The following FARSB variants were observed in gnomAD, a reference collection of about 807,000 sequenced individuals.
FARSB encodes the protein phenylalanine--tRNA ligase beta subunit.
A neutral mutation model predicts 69.6 loss-of-function variants in FARSB; 40 were observed. The observed-to-expected ratio is 0.57, with a 90% CI of 0.45 to 0.75. The LOEUF (loss-of-function observed/expected upper bound fraction) is 0.75, where lower values mean the gene tolerates loss of function less well. Among genes scored for constraint, FARSB ranks in the 30% least tolerant of loss-of-function variants. The probability of loss-of-function intolerance (pLI) is 0.00; values close to 1 mark genes in which losing one functional copy is unlikely to be tolerated. For synonymous variants in FARSB, 235 were observed against 247.2 expected (o/e 0.95, Z 0.46); for missense variants, 632 against 722.9 (o/e 0.87, Z 1.44).
chr2:222,652,273 A>AG (rs1692057549), intron 1 of FARSB, among the ~76,000 whole-genome samples: 1 of 152,066 alleles, frequency 6.6e-6, no homozygotes, highest in Non-Finnish European at 1.5e-5. Context: ...GGGCCTTGGG[A>AG]GGGGGTGAGT....
At chr2:222,588,129 G>A (rs754095393) in intron 16 of FARSB, among the ~76,000 whole-genome samples, 1 of 152,086 alleles carries the variant, frequency 6.6e-6, no homozygotes, top group Admixed American at 6.5e-5. Context: ...CTGGCAAAAC[G>A]AATCCAGCAG....
intron 9 of FARSB, among the ~76,000 whole-genome samples, 194 bp from the exon 10 acceptor site, chr2:222,629,082 C>T (rs113809238): frequency 2.6e-5 from 4 of 152,072 alleles, no homozygotes; most frequent in Admixed American, 1.3e-4. Context: ...CCTAGGGCTC[C>T]GATGTCCTTT....
intron 16 of FARSB, among the ~76,000 whole-genome samples, chr2:222,589,551 G>GA (rs1690209229): frequency 6.8e-6 from 1 of 147,676 alleles, no homozygotes; most frequent in Non-Finnish European, 1.5e-5. Flanking sequence ...CACAGCAAAA[G>GA]AAACTACCAT....
intron 12 of FARSB, 144 bp from the exon 13 acceptor site, chr2:222,623,874 G>A: frequency 1.6e-6 from 1 of 633,210 alleles, no homozygotes; most frequent in South Asian, 2.0e-5. Context: ...CTAACGTACT[G>A]CTAATGCCAC....
intron 16 of FARSB, among the ~76,000 whole-genome samples, chr2:222,590,335 A>G (rs1003704149): frequency 6.6e-6 from 1 of 152,040 alleles, no homozygotes; most frequent in African/African-American, 2.4e-5. Flanking sequence ...TGGACACAGG[A>G]AGTGGAACAT....
chr2:222,634,119 A>G (rs7583891), intron 6 of FARSB, among the ~76,000 whole-genome samples: 44,230 of 152,112 alleles, frequency 0.29, 7,370 homozygotes, highest in Non-Finnish European at 0.38. Context: ...ATGAGTTTCA[A>G]TTGAAGATTA....
Position 222,624,377 on chromosome 2 carries a change from T to C in FARSB, c.1065A>G (p.Arg355=). 2 of 1,608,330 alleles carry C rather than the reference T, an allele frequency of 1.2e-6. No individual in the cohort carries two copies. The highest frequency in any genetic ancestry group is 1.7e-6 in the Non-Finnish European group (2 of 1,174,742). ...TATCACATGCATGGATAATGTCAGC[T>C]CTGGTTGGAGGGATTTCAATCTCAA... The part of the protein sequence containing the change: ...NQIEIEIPPT[R]ADIIHACDIV... The change falls in exon 12 of 17, where the codon AGA becomes AGG. Residue 355 remains arginine (R), a synonymous_variant. Transcript: ENST00000281828.
chr2:222,627,557 A>G lies in FARSB; in HGVS notation c.900+1280T>C, dbSNP rs1285522222. 1.3e-5 allele frequency among the ~76,000 whole-genome samples: 2 copies of G among 152,236 alleles called. 1 individual carries two copies. The highest frequency in any genetic ancestry group is 2.9e-5 in the Non-Finnish European group (2 of 68,032). On this transcript the variant is annotated intron_variant, in intron 10 of 16. Transcript: ENST00000281828. ...CTATTGACCAAAAGAATCATGAGAT[A>G]AATAAATGGTTGTTGTTTTAAGCCA...
intron 16 of FARSB, among the ~76,000 whole-genome samples, chr2:222,585,241 G>A (rs1372321746): frequency 2.0e-5 from 3 of 152,178 alleles, no homozygotes; most frequent in Non-Finnish European, 4.4e-5. Context: ...GTCTGGAGTG[G>A]ACCTCCAGCA....
At chr2:222,633,173 T>C in intron 7 of FARSB, 26 bp downstream of exon 7, 1 of 1,059,746 alleles carries the variant, frequency 9.4e-7, no homozygotes, top group Admixed American at 1.7e-5. Flanking sequence ...ACAGCAAAGA[T>C]CTGTGATGCT....
intron 15 of FARSB, among the ~76,000 whole-genome samples, chr2:222,605,023 C>T (rs1690664145): frequency 6.6e-6 from 1 of 152,110 alleles, no homozygotes; most frequent in African/African-American, 2.4e-5. Context: ...TCCATCATTT[C>T]CATTTTTAAA....
At chr2:222,595,703 C>T (rs754330050) in intron 16 of FARSB, among the ~76,000 whole-genome samples, 2 of 152,058 alleles carry the variant, frequency 1.3e-5, no homozygotes, top group African/African-American at 2.4e-5. Flanking sequence ...CTCAAGTCAA[C>T]GCAGCCAATC....
intron 3 of FARSB, 81 bp downstream of exon 3, chr2:222,642,770 T>C: frequency 8.9e-7 from 1 of 1,124,534 alleles, no homozygotes; most frequent in Non-Finnish European, 1.3e-6. Flanking sequence ...TTCCTAGAAA[T>C]TTAAACATGG....
At chr2:222,584,739 A>C (rs994820822) in intron 16 of FARSB, among the ~76,000 whole-genome samples, 10 of 152,192 alleles carry the variant, frequency 6.6e-5, no homozygotes, top group African/African-American at 2.4e-4. Flanking sequence ...AGCCTCGCTC[A>C]CTGCTAGCAC....
intron 2 of FARSB, among the ~76,000 whole-genome samples, chr2:222,646,491 G>A (rs1325728899): frequency 6.6e-6 from 1 of 152,192 alleles, no homozygotes; most frequent in East Asian, 1.9e-4. Context: ...TGTGGAGACA[G>A]ATGGTAACCA....
At chr2:222,625,612 T>A (rs1253331214) in intron 10 of FARSB, among the ~76,000 whole-genome samples, 1 of 152,080 alleles carries the variant, frequency 6.6e-6, no homozygotes, top group Non-Finnish European at 1.5e-5. Context: ...GTTTTCAAGA[T>A]CCCCAGGTGA....
intron 13 of FARSB, 86 bp downstream of exon 13, chr2:222,623,564 T>C: frequency 3.6e-6 from 3 of 836,110 alleles, no homozygotes; most frequent in South Asian, 2.8e-5. Context: ...CTAGATTTTA[T>C]AAATTCTTAT....
chr2:222,571,894 T>C lies in FARSB; in HGVS notation c.1747A>G (p.Ile583Val), dbSNP rs1559185031. The C allele has an allele frequency of 1.2e-6, 2 of 1,612,864 alleles. No individual in the cohort carries two copies. The highest frequency in any genetic ancestry group is 2.2e-5 in the South Asian group (2 of 90,956). Residue 583 changes from isoleucine to valine, a missense_variant, in exon 17 of 17, where the codon ATC becomes GTC. Physicochemically the swap from Ile to Val is conservative, Grantham distance 29. Coordinates refer to ENST00000281828, the MANE Select transcript of FARSB (RefSeq NM_005687.5). ...ELTMPCSSLEINVGPFL is the reference protein window; with the variant it reads ...ELTMPCSSLEVNVGPFL ...CTTCACAAAAAGGGTCCAACATTGA[T>C]TTCTAGGGAGGAGCAGGGCATGGTC...
At chr2:222,594,966 C>T (rs975663902) in intron 16 of FARSB, among the ~76,000 whole-genome samples, 7 of 152,312 alleles carry the variant, frequency 4.6e-5, no homozygotes, top group African/African-American at 1.7e-4. Flanking sequence ...GTAGGAATCA[C>T]TGCTTATTTG....
Sources: allele counts gnomAD v4.1 joint callset (sites outside exome capture counted in the v4.1 genomes callset), GRCh38; gene constraint gnomAD v4.1.1; transcripts MANE v1.5; gene names NCBI Gene and HGNC (gene_info 2026-07-23, HGNC 2026-07-21).